Variants in FHIT observed in about 807,000 individuals in gnomAD.
The protein encoded by FHIT is fragile histidine triad diadenosine triphosphatase.
FHIT carries 19 observed loss-of-function variants against 17.9 expected under a neutral mutation model. The ratio of observed to expected loss-of-function variants is 1.06; its 90% confidence interval spans 0.74 to 1.56. FHIT has a LOEUF of 1.56. Ranked by LOEUF, FHIT falls within the 40% of genes most tolerant of loss-of-function variation. The pLI is 0.00. For missense variants in FHIT, 248 were observed against 189.2 expected, an observed-to-expected ratio of 1.31 and a Z score of -1.82; for synonymous variants, 81 against 69.7, an observed-to-expected ratio of 1.16 and a Z score of -0.81.
chr3:60,925,806 C>T (rs545741485), intron 3 of FHIT, among the ~76,000 whole-genome samples: 2 of 151,832 alleles, frequency 1.3e-5, no homozygotes, highest in African/African-American at 4.8e-5. Flanking sequence ...GTGCTGTATT[C>T]AGACCCATCT....
intron 4 of FHIT, among the ~76,000 whole-genome samples, chr3:60,594,527 T>C (rs1346162509): frequency 6.6e-6 from 1 of 152,076 alleles, no homozygotes; most frequent in Non-Finnish European, 1.5e-5. Flanking sequence ...TCTGATCACA[T>C]AGGACATCTG....
At chr3:59,792,355 A>G (rs1007575234) in intron 8 of FHIT, among the ~76,000 whole-genome samples, 1 of 152,242 alleles carries the variant, frequency 6.6e-6, no homozygotes, top group Non-Finnish European at 1.5e-5. Flanking sequence ...CCTGTCTGGC[A>G]AAACAATTGA....
chr3:60,033,986 C>T (rs572994774), intron 5 of FHIT, among the ~76,000 whole-genome samples: 1 of 152,292 alleles, frequency 6.6e-6, no homozygotes, highest in East Asian at 1.9e-4. Context: ...TACACCGTCT[C>T]GTGAGGGAGT....
intron 1 of FHIT, among the ~76,000 whole-genome samples, chr3:61,228,660 T>A (rs1349071039): frequency 6.6e-6 from 1 of 152,216 alleles, no homozygotes; most frequent in East Asian, 1.9e-4. Flanking sequence ...CTACATCTGT[T>A]ACTTAGGTCT....
chr3:59,824,992 T>G (rs1700925781), intron 8 of FHIT, among the ~76,000 whole-genome samples: 1 of 152,198 alleles, frequency 6.6e-6, no homozygotes, highest in Non-Finnish European at 1.5e-5. Context: ...CAAAGAGGTT[T>G]TCAAAGGACT....
chr3:61,186,580 T>A (rs1012613332), intron 2 of FHIT, among the ~76,000 whole-genome samples: 2 of 152,184 alleles, frequency 1.3e-5, no homozygotes, highest in African/African-American at 4.8e-5. Context: ...TCTCCTGCTC[T>A]TTAGGATGGG....
At chr3:59,762,515 A>G (rs968911483) in intron 8 of FHIT, among the ~76,000 whole-genome samples, 41 of 152,094 alleles carry the variant, frequency 2.7e-4, no homozygotes, top group African/African-American at 8.9e-4. Flanking sequence ...CAAACACTGG[A>G]TCCACTAGTG....
chr3:60,807,751 G>A (rs1553734744), intron 4 of FHIT, among the ~76,000 whole-genome samples: 1 of 151,976 alleles, frequency 6.6e-6, no homozygotes, highest in African/African-American at 2.4e-5. Flanking sequence ...TACAGCCATG[G>A]TTTCTGCTTT....
chr3:60,624,979 G>A lies in FHIT; in HGVS notation c.-17-88000C>T, dbSNP rs60810645. 5.9e-5 allele frequency among the ~76,000 whole-genome samples: 9 copies of A among 152,158 alleles called. No individual in the cohort carries two copies. The South Asian group carries it at 1.9e-3, about 32-fold the overall frequency. ...GCTGGAGTACAATGGCACAATCTCA[G>A]CTCACTGCAATCTCCGCCTCTCAGG... On this transcript the variant is annotated intron_variant, in intron 4 of 9. Coordinates refer to ENST00000492590, the MANE Select transcript of FHIT (RefSeq NM_002012.4).
At chr3:60,896,307 T>G (rs1553761956) in intron 3 of FHIT, among the ~76,000 whole-genome samples, 1 of 152,142 alleles carries the variant, frequency 6.6e-6, no homozygotes, top group Non-Finnish European at 1.5e-5. Context: ...GGGCACTCAG[T>G]GTGTTCACTG....
chr3:60,911,957 C>T (rs1049126580), intron 3 of FHIT, among the ~76,000 whole-genome samples: 13 of 152,156 alleles, frequency 8.5e-5, no homozygotes, highest in African/African-American at 3.1e-4. Flanking sequence ...CTGTAAGATG[C>T]TGACAATAAT....
At chr3:59,845,623 T>C (rs1341376490) in intron 8 of FHIT, among the ~76,000 whole-genome samples, 2 of 152,144 alleles carry the variant, frequency 1.3e-5, no homozygotes, top group African/African-American at 2.4e-5. Context: ...TGCCATCCTA[T>C]TGTGATCAGA....
intron 3 of FHIT, among the ~76,000 whole-genome samples, chr3:61,035,326 T>C (rs1470739826): frequency 6.6e-6 from 1 of 152,226 alleles, no homozygotes; most frequent in African/African-American, 2.4e-5. Context: ...ATATATTTTT[T>C]GCATTTCACA....
intron 5 of FHIT, among the ~76,000 whole-genome samples, chr3:60,457,802 C>A (rs1419902064): frequency 6.6e-6 from 1 of 151,516 alleles, no homozygotes; most frequent in Non-Finnish European, 1.5e-5. Context: ...CAAAAGAAGA[C>A]ATTTATGCAG....
chr3:61,213,670 C>G (rs2039567220), intron 1 of FHIT, among the ~76,000 whole-genome samples: 2 of 152,166 alleles, frequency 1.3e-5, no homozygotes, highest in South Asian at 2.1e-4. Flanking sequence ...TAGACATCTA[C>G]AGAACTCTGC....
chr3:60,393,519 T>C (rs1295390302), intron 5 of FHIT, among the ~76,000 whole-genome samples: 5 of 151,712 alleles, frequency 3.3e-5, no homozygotes, highest in African/African-American at 1.2e-4. Flanking sequence ...GGACCAATTT[T>C]TTCTAAGTGG....
chr3:60,274,035 T>C (rs1294219817), intron 5 of FHIT, among the ~76,000 whole-genome samples: 2 of 152,180 alleles, frequency 1.3e-5, no homozygotes, highest in African/African-American at 4.8e-5. Flanking sequence ...ATGATAAGCC[T>C]TTGAGTTCTA....
chr3:60,390,983 C>T (rs1264433045), intron 5 of FHIT, among the ~76,000 whole-genome samples: 1 of 152,044 alleles, frequency 6.6e-6, no homozygotes, highest in Middle Eastern at 3.2e-3. Flanking sequence ...AGTTTGAGAC[C>T]AGCCTGGCCA....
At chr3:61,176,914 G>A (rs1408578232) in intron 2 of FHIT, among the ~76,000 whole-genome samples, 1 of 152,194 alleles carries the variant, frequency 6.6e-6, no homozygotes, top group African/African-American at 2.4e-5. Context: ...GGTGGCTCAC[G>A]CCTGTAACCC....
Sources: allele counts gnomAD v4.1 joint callset (sites outside exome capture counted in the v4.1 genomes callset), GRCh38; gene constraint gnomAD v4.1.1; transcripts MANE v1.5; gene names NCBI Gene and HGNC (gene_info 2026-07-23, HGNC 2026-07-21).